The following SLC35F1 variants were observed in gnomAD, a reference collection of about 807,000 sequenced individuals.
SLC35F1 encodes the protein solute carrier family 35 member F1, also known as chromosome 6 open reading frame 169.
A neutral mutation model predicts 48.7 loss-of-function variants in SLC35F1; 14 were observed. The ratio of observed to expected loss-of-function variants is 0.29; its 90% CI spans 0.19 to 0.45. The LOEUF (loss-of-function observed/expected upper bound fraction) is 0.45, where lower values mean the gene tolerates loss of function less well. Among genes scored for constraint, SLC35F1 ranks in the 20% least tolerant of loss-of-function variants. The pLI, the probability that SLC35F1 is intolerant of heterozygous loss-of-function variation, is 1.00. For missense variants in SLC35F1, 404 were observed against 500.0 expected (o/e 0.81, Z 1.83); for synonymous variants, 190 against 202.2 (o/e 0.94, Z 0.51).
chr6:118,144,686 C>T (rs1414631029), intron 1 of SLC35F1, among the ~76,000 whole-genome samples: 7 of 151,148 alleles, frequency 4.6e-5, no homozygotes, highest in Non-Finnish European at 7.4e-5. Flanking sequence ...TATGTGATCC[C>T]CTAGTATTAC....
intron 6 of SLC35F1, among the ~76,000 whole-genome samples, chr6:118,284,797 C>A (rs919033903): frequency 2.0e-5 from 3 of 152,030 alleles, no homozygotes; most frequent in African/African-American, 7.3e-5. Flanking sequence ...AGTTTTGTTG[C>A]TATTACTCAA....
intron 1 of SLC35F1, among the ~76,000 whole-genome samples, chr6:118,062,870 A>G (rs1772560364): frequency 6.6e-6 from 1 of 152,166 alleles, no homozygotes; most frequent in African/African-American, 2.4e-5. Flanking sequence ...ATTATTTGGC[A>G]CTTTTCCTTA....
At chr6:118,031,857 T>A (rs1772059739) in intron 1 of SLC35F1, among the ~76,000 whole-genome samples, 2 of 152,152 alleles carry the variant, frequency 1.3e-5, no homozygotes, top group African/African-American at 4.8e-5. Flanking sequence ...GGGTGGTAAC[T>A]CCCAGGTGTT....
rs755608722 is a variant in SLC35F1, at chr6:118,314,211, G to T, written c.1186G>T (p.Gly396Cys). Residue 396 changes from glycine to cysteine, a missense_variant, in exon 8 of 8, where the codon GGC becomes TGC. By Grantham distance (159) the Gly-to-Cys change is radical (BLOSUM62 -3). Transcript: ENST00000360388. ...ACCCTCAGTCACCTACACCAGCCTG[G>T]GCCAGGAGACCGAAGAGGAGCCTCA... ...VEPSVTYTSL[G>C]QETEEEPHVR... 5.0e-6 allele frequency: 8 copies of T among 1,614,182 alleles called. No individual in the cohort carries two copies. The South Asian group carries it at 7.7e-5, about 16-fold the overall frequency.
chr6:118,291,370 T>C (rs1383118056), intron 7 of SLC35F1, among the ~76,000 whole-genome samples: 2 of 152,134 alleles, frequency 1.3e-5, no homozygotes, highest in African/African-American at 4.8e-5. Flanking sequence ...GGAAAAAGTA[T>C]TTAAATCCTT....
intron 1 of SLC35F1, among the ~76,000 whole-genome samples, chr6:118,104,986 G>A (rs1773309343): frequency 6.6e-6 from 1 of 152,212 alleles, no homozygotes; most frequent in East Asian, 1.9e-4. Context: ...TCTTTTCACA[G>A]CTTGTTCTTA....
At chr6:118,063,588 C>A (rs1376993276) in intron 1 of SLC35F1, among the ~76,000 whole-genome samples, 1 of 151,912 alleles carries the variant, frequency 6.6e-6, no homozygotes, top group Non-Finnish European at 1.5e-5. Context: ...CAATCCCCAC[C>A]CATATCAAAG....
At chr6:118,276,532 G>C (rs1183375116) in intron 5 of SLC35F1, among the ~76,000 whole-genome samples, 1 of 152,154 alleles carries the variant, frequency 6.6e-6, no homozygotes, top group Non-Finnish European at 1.5e-5. Context: ...AGATACTGGT[G>C]AAAAACTTCA....
At chr6:118,281,360 C>T (rs1218999894) in intron 6 of SLC35F1, among the ~76,000 whole-genome samples, 1 of 152,020 alleles carries the variant, frequency 6.6e-6, no homozygotes, top group African/African-American at 2.4e-5. Flanking sequence ...GACCTAAGGG[C>T]AAGTTACTTA....
chr6:118,186,196 T>G (rs985334636), intron 2 of SLC35F1, among the ~76,000 whole-genome samples: 1 of 152,030 alleles, frequency 6.6e-6, no homozygotes. Context: ...GGAGTCAACC[T>G]CATTGTGTGT....
intron 2 of SLC35F1, among the ~76,000 whole-genome samples, chr6:118,196,585 A>G (rs114976507): frequency 0.018 from 2,785 of 152,028 alleles, 95 homozygotes; most frequent in African/African-American, 0.063. Context: ...GTGTCATGGC[A>G]GACACCTATA....
chr6:118,152,115 G>A (rs926349904), intron 1 of SLC35F1, among the ~76,000 whole-genome samples: 4 of 152,110 alleles, frequency 2.6e-5, no homozygotes, highest in Admixed American at 6.5e-5. Context: ...AAGAGAAGAC[G>A]GAACACTTCT....
At position 117,931,066 on chromosome 6, in the gene SLC35F1, C is replaced by G. The variant is rs570442368; in HGVS notation, c.173+23167C>G. ...TGTTTTGAGAATATATTGTAAGCAC[C>G]TGGCCCGTGGTTAGTTTTCAGTAGA... On this transcript the variant is annotated intron_variant, in intron 1 of 7. Transcript: ENST00000360388. Among the ~76,000 whole-genome samples the G allele has an allele frequency of 2.0e-5, 3 of 152,150 alleles. No individual in the cohort carries two copies. In the East Asian group the frequency reaches 5.8e-4, roughly 29 times the overall value.
At chr6:118,041,137 T>C (rs1772213941) in intron 1 of SLC35F1, among the ~76,000 whole-genome samples, 1 of 152,180 alleles carries the variant, frequency 6.6e-6, no homozygotes, top group South Asian at 2.1e-4. Context: ...CAAGACTTGA[T>C]GCAAGTGATG....
At position 118,157,169 on chromosome 6, in the gene SLC35F1, A is replaced by G. The variant is rs527251648; in HGVS notation, c.349+2549A>G. Among the ~76,000 whole-genome samples, 7 of 152,286 alleles carry G rather than the reference A, an allele frequency of 4.6e-5. No individual in the cohort carries two copies. The East Asian group carries it at 1.4e-3, about 30-fold the overall frequency. On this transcript the variant is annotated intron_variant, in intron 2 of 7. Coordinates refer to ENST00000360388, the MANE Select transcript of SLC35F1 (RefSeq NM_001029858.4). The stretch of plus-strand genomic sequence containing the variant: ...AAACTGCTTGAGGATATAGGAGAGC[A>G]AGGAGTAGAGGCCCATCCAACGCAG...
intron 2 of SLC35F1, among the ~76,000 whole-genome samples, chr6:118,222,998 G>A (rs868803013): frequency 6.6e-6 from 1 of 152,068 alleles, no homozygotes; most frequent in Non-Finnish European, 1.5e-5. Context: ...GATAATCTGG[G>A]TTCTATGGTG....
intron 1 of SLC35F1, among the ~76,000 whole-genome samples, chr6:118,094,067 G>A (rs765957396): frequency 6.6e-6 from 1 of 152,232 alleles, no homozygotes; most frequent in East Asian, 1.9e-4. Flanking sequence ...TTGCAGGGTG[G>A]GTTTTTATCC....
chr6:117,992,191 T>C lies in SLC35F1; in HGVS notation c.173+84292T>C, dbSNP rs565111078. Among the ~76,000 whole-genome samples the C allele has an allele frequency of 2.6e-5, 4 of 152,270 alleles. No individual in the cohort carries two copies. In the South Asian group the frequency reaches 8.3e-4, roughly 32 times the overall value. On this transcript the variant is annotated intron_variant, in intron 1 of 7. Transcript: ENST00000360388. ...CCTCTTTTCCATCTTTTTAACTTCTTGTATATTCTTTGATTTGTAATTGTT... is the reference window on the plus strand; with the variant it reads ...CCTCTTTTCCATCTTTTTAACTTCTCGTATATTCTTTGATTTGTAATTGTT...
intron 1 of SLC35F1, among the ~76,000 whole-genome samples, chr6:117,938,961 C>A (rs1776194522): frequency 1.3e-5 from 2 of 150,340 alleles, no homozygotes; most frequent in Non-Finnish European, 2.9e-5. Context: ...ATTCCTTTTA[C>A]TTCCGAAGTT....
Sources: allele counts gnomAD v4.1 joint callset (sites outside exome capture counted in the v4.1 genomes callset), GRCh38; gene constraint gnomAD v4.1.1; transcripts MANE v1.5; gene names NCBI Gene and HGNC (gene_info 2026-07-23, HGNC 2026-07-21).